Variants in ALPK1 observed in about 807,000 individuals in gnomAD.
The protein encoded by ALPK1 is alpha-protein kinase 1.
Under a neutral mutation model 120.6 loss-of-function variants are expected in ALPK1, and 110 were observed. The observed-to-expected ratio is 0.91, with a 90% CI of 0.78 to 1.07. The LOEUF (loss-of-function observed/expected upper bound fraction) is 1.07. Ranked by LOEUF, ALPK1 falls within the 50% of genes least tolerant of loss-of-function variation. The pLI, the probability that ALPK1 is intolerant of heterozygous loss-of-function variation, is 0.00. For missense variants in ALPK1, 1,498 were observed against 1,483.9 expected (o/e 1.01, Z -0.16); for synonymous variants, 582 against 560.3 (o/e 1.04, Z -0.55).
chr4:112,298,753 A>G (rs1404794502), intron 1 of ALPK1, among the ~76,000 whole-genome samples: 2 of 152,208 alleles, frequency 1.3e-5, no homozygotes, highest in African/African-American at 4.8e-5. Context: ...GTTAAGCTGT[A>G]ACAATACCTC....
intron 6 of ALPK1, 101 bp from the exon 7 acceptor site, chr4:112,425,564 A>G (rs1478601283): frequency 1.3e-5 from 12 of 951,258 alleles, no homozygotes; most frequent in East Asian, 7.8e-5. Flanking sequence ...TTGTTTCTCA[A>G]AATGATGTCA....
intron 4 of ALPK1, among the ~76,000 whole-genome samples, chr4:112,409,179 A>T (rs922678255): frequency 1.3e-5 from 2 of 152,184 alleles, no homozygotes; most frequent in Non-Finnish European, 2.9e-5. Flanking sequence ...TCAGGTTATC[A>T]GGTAGCTACT....
intron 5 of ALPK1, chr4:112,414,697 C>G (rs75656524): frequency 0.012 from 1,981 of 163,054 alleles, 58 homozygotes; most frequent in East Asian, 0.086. Flanking sequence ...ACCACAGTTA[C>G]AGATAAAGGC....
At chr4:112,389,420 GC>G (rs1732305183) in intron 4 of ALPK1, among the ~76,000 whole-genome samples, 1 of 152,194 alleles carries the variant, frequency 6.6e-6, no homozygotes. Flanking sequence ...TCCTACTCTT[GC>G]CCTGACTAAT....
chr4:112,402,977 C>G (rs915505023), intron 4 of ALPK1, among the ~76,000 whole-genome samples: 1 of 151,340 alleles, frequency 6.6e-6, no homozygotes, highest in Non-Finnish European at 1.5e-5. Flanking sequence ...GACCAATATG[C>G]ATTTCAAAGG....
intron 5 of ALPK1, chr4:112,414,472 G>T: frequency 5.9e-6 from 2 of 341,686 alleles, no homozygotes; most frequent in East Asian, 7.5e-5. Flanking sequence ...GCCAGGCGTG[G>T]TGGCAGCCGC....
At chr4:112,379,256 A>T (rs1219435803) in intron 3 of ALPK1, among the ~76,000 whole-genome samples, 2 of 152,240 alleles carry the variant, frequency 1.3e-5, no homozygotes, top group African/African-American at 4.8e-5. Flanking sequence ...AGAATAGAAG[A>T]AGTAATCAGT....
chr4:112,390,634 C>A (rs4833407), intron 4 of ALPK1, among the ~76,000 whole-genome samples: 76,967 of 151,848 alleles, frequency 0.51, 20,282 homozygotes, highest in East Asian at 0.7. Context: ...TGAATGAAAC[C>A]GTATTAATGT....
intron 2 of ALPK1, among the ~76,000 whole-genome samples, chr4:112,319,479 T>A (rs947004686): frequency 1.3e-5 from 2 of 152,220 alleles, no homozygotes; most frequent in Non-Finnish European, 2.9e-5. Flanking sequence ...GAAAGTGTGA[T>A]GCCTACGGAT....
chr4:112,385,941 C>T (rs1732133268), intron 4 of ALPK1, among the ~76,000 whole-genome samples: 1 of 151,922 alleles, frequency 6.6e-6, no homozygotes, highest in South Asian at 2.1e-4. Flanking sequence ...AAATGTTTCC[C>T]CTCTGTTTTT....
chr4:112,420,262 G>C (rs996659073), intron 5 of ALPK1, among the ~76,000 whole-genome samples: 3 of 152,214 alleles, frequency 2.0e-5, no homozygotes, highest in Admixed American at 2.0e-4. Context: ...TAAAGCAGAG[G>C]TGAGAAACAG....
chr4:112,340,577 T>C (rs1444891867), intron 2 of ALPK1, among the ~76,000 whole-genome samples: 1 of 152,198 alleles, frequency 6.6e-6, no homozygotes, highest in Non-Finnish European at 1.5e-5. Flanking sequence ...AAAATACACA[T>C]AATATGGATT....
At chr4:112,421,710 T>TTAA (rs1326390431) in intron 5 of ALPK1, among the ~76,000 whole-genome samples, 2 of 152,170 alleles carry the variant, frequency 1.3e-5, no homozygotes, top group Non-Finnish European at 1.5e-5. Context: ...ACCCACCGAT[T>TTAA]TAATGCCTTT....
In ALPK1 at chr4:112,430,789, G is replaced by A; in HGVS notation, c.1242G>A (p.Gln414=). The A allele has an allele frequency of 2.5e-6, 4 of 1,614,184 alleles. No individual in the cohort carries two copies. Among genetic ancestry groups the A allele is most frequent in the Non-Finnish European group, 3.4e-6 (4 of 1,180,028 alleles). Residue 414 remains glutamine (Q), a synonymous_variant, in exon 11 of 16, where the codon CAG becomes CAA. Transcript: ENST00000650871. ...AAGAAGTTATGTCTGTGATTGCCCA[G>A]GTGAAGGAACATTTACAAGTTCAAA... The part of the protein sequence containing the change: ...LSQEVMSVIA[Q]VKEHLQVQSF...
chr4:112,412,133 T>C, intron 5 of ALPK1, 108 bp downstream of exon 5: 1 of 1,404,422 alleles, frequency 7.1e-7, no homozygotes, highest in Admixed American at 1.8e-5. Flanking sequence ...GGGCCCTGCG[T>C]GCCATCTTTC....
intron 13 of ALPK1, 106 bp downstream of exon 13, chr4:112,438,752 T>C: frequency 7.8e-7 from 1 of 1,280,222 alleles, no homozygotes; most frequent in African/African-American, 1.5e-5. Context: ...TTTAGCAAAC[T>C]ATCCTTGTGT....
At chr4:112,381,343 T>C (rs1731896514) in intron 3 of ALPK1, among the ~76,000 whole-genome samples, 1 of 152,144 alleles carries the variant, frequency 6.6e-6, no homozygotes, top group South Asian at 2.1e-4. Flanking sequence ...TAGAGATTTA[T>C]AAGGGAAAAC....
rs991193191 is a variant in ALPK1, at chr4:112,319,449, T to A, written c.-101+3597T>A. Among the ~76,000 whole-genome samples the A allele has an allele frequency of 5.3e-5, 8 of 152,366 alleles. No homozygotes were observed. The South Asian group carries it at 1.7e-3, about 32-fold the overall frequency. On this transcript the variant is annotated intron_variant, in intron 2 of 15. Transcript: ENST00000650871. ...TTATACCAACACCATGCTGTTTTGG[T>A]GACTATGGCCTTATAGTCAGAAAGT...
In ALPK1 at chr4:112,431,169, A is replaced by G. The variant is rs775151112; in HGVS notation, c.1622A>G (p.His541Arg). ...AGGGGAGGAAGGAGAAACTGGACCC[A>G]TTCTGATGCATTTCGAGTCTCCTTG... ...LRRGGRRNWT[H>R]SDAFRVSLDQ... The change falls in exon 11 of 16, where the codon CAT (histidine) becomes CGT (arginine). Residue 541 changes from histidine (H) to arginine (R), a missense_variant. By Grantham distance (29) the His-to-Arg change is conservative. Coordinates refer to ENST00000650871, the MANE Select transcript of ALPK1 (RefSeq NM_025144.4). 6.2e-7 allele frequency: 1 copy of G among 1,614,192 alleles called. No individual in the cohort carries two copies. Among genetic ancestry groups the G allele is most frequent in the Non-Finnish European group, 8.5e-7 (1 of 1,180,032 alleles).
Sources: gnomAD v4.1 joint callset for allele counts (sites outside exome capture counted in the v4.1 genomes callset) on GRCh38, gnomAD v4.1.1 for gene constraint, MANE v1.5 for transcripts, NCBI Gene and HGNC (gene_info 2026-07-23, HGNC 2026-07-21) for gene names.